Variants in NSDHL observed in about 807,000 individuals in gnomAD.
NSDHL encodes NAD(P) dependent 3-beta-hydroxysteroid dehydrogenase NSDHL.
Under a neutral mutation model 23.0 loss-of-function variants are expected in NSDHL, and 1 was observed. That is an observed-to-expected ratio of 0.04 (90% CI 0.02 to 0.21). The LOEUF (loss-of-function observed/expected upper bound fraction) is 0.21, where lower values mean the gene tolerates loss of function less well. Among genes scored for constraint, NSDHL ranks in the 10% least tolerant of loss-of-function variants. The pLI, the probability that NSDHL is intolerant of heterozygous loss-of-function variation, is 1.00. For synonymous variants in NSDHL, 128 were observed against 121.1 expected, an observed-to-expected ratio of 1.06 and a Z score of -0.37; for missense variants, 237 against 300.9, an observed-to-expected ratio of 0.79 and a Z score of 1.57.
At chrX:152,854,045 CT>C (rs1471145426) in intron 3 of NSDHL, among the ~76,000 whole-genome samples, 2 of 112,677 alleles carry the variant, frequency 1.8e-5, no homozygotes, top group Middle Eastern at 4.6e-3. Context: ...TTTTCGATCA[CT>C]GCTTTGTCCC....
Position 152,869,369 on chromosome X carries a change from GT to G in NSDHL, c.*254del. 1 of 412,187 alleles carries G rather than the reference GT, an allele frequency of 2.4e-6. No homozygotes were observed. Among genetic ancestry groups the G allele is most frequent in the Non-Finnish European group, 4.3e-6 (1 of 230,792 alleles). The allele number at this position is 412,187 out of a possible 1,213,427, so 34.0% of individuals were successfully genotyped here. On this transcript the variant is annotated 3_prime_UTR_variant, in exon 8 of 8. Transcript: ENST00000370274. ...ATACCGATTTGTTCTCTGTCTTTTT[GT>G]GTCTCTCTGTTTACCCCCTCCCTTG... is the stretch of plus-strand genomic sequence containing the variant.
intron 1 of NSDHL, among the ~76,000 whole-genome samples, chrX:152,839,116 G>A (rs1476211661): frequency 8.9e-6 from 1 of 111,784 alleles, no homozygotes; most frequent in Non-Finnish European, 1.9e-5. Context: ...GACTAGGATT[G>A]CAACTTCTGC....
chrX:152,850,294 T>C lies in NSDHL; in HGVS notation c.138T>C (p.Ser46=). The C allele has an allele frequency of 8.3e-7, 1 of 1,211,584 alleles. No homozygotes were observed. The highest frequency in any genetic ancestry group is 1.1e-6 in the Non-Finnish European group (1 of 895,184). ...AGAGATGCACAGTGATCGGTGGCTC[T>C]GGATTCCTGGGGCAGCACATGGTGG... ...QAKRCTVIGG[S]GFLGQHMVEQ... The change falls in exon 3 of 8, where the codon TCT becomes TCC. Residue 46 remains serine, a synonymous_variant. Transcript: ENST00000370274.
At chrX:152,839,573 G>T (rs1933157415) in intron 1 of NSDHL, among the ~76,000 whole-genome samples, 1 of 112,211 alleles carries the variant, frequency 8.9e-6, no homozygotes, top group Non-Finnish European at 1.9e-5. Flanking sequence ...AGTTTGGCTG[G>T]ATATGAAATT....
At chrX:152,854,594 G>C (rs1933410991) in intron 3 of NSDHL, among the ~76,000 whole-genome samples, 2 of 109,501 alleles carry the variant, frequency 1.8e-5, no homozygotes, top group South Asian at 8.0e-4. Flanking sequence ...ATTTTTAGTA[G>C]AGATAGGGTT....
intron 5 of NSDHL, among the ~76,000 whole-genome samples, chrX:152,865,087 G>A (rs143983017): frequency 0.027 from 3,009 of 112,553 alleles, 93 homozygotes; most frequent in African/African-American, 0.091. Flanking sequence ...GGAAAGTTTT[G>A]TTACTTTTGA....
intron 4 of NSDHL, among the ~76,000 whole-genome samples, chrX:152,861,822 A>G (rs1307089272): frequency 4.4e-5 from 5 of 112,567 alleles, no homozygotes; most frequent in Non-Finnish European, 9.4e-5. Flanking sequence ...ATTTTTGTAT[A>G]TTGATTTTTA....
intron 1 of NSDHL, among the ~76,000 whole-genome samples, chrX:152,832,505 C>A (rs1347051500): frequency 1.8e-5 from 2 of 111,753 alleles, no homozygotes; most frequent in African/African-American, 3.3e-5. Context: ...TCGTAGTGAA[C>A]GGCCCTGGTC....
Position 152,858,921 on chromosome X carries a change from G to T in NSDHL, c.414+5G>T. On this transcript the variant is annotated splice_donor_5th_base_variant and intron_variant, in intron 4 of 7. Transcript: ENST00000370274. ...TGCAAAGAGGCTGGGGTTCAGGTAA[G>T]GGGAAGGCTGGAGTGAGTGCTGTCA... 8.3e-7 allele frequency: 1 copy of T among 1,203,348 alleles called. No individual in the cohort carries two copies. The highest frequency in any genetic ancestry group is 1.1e-6 in the Non-Finnish European group (1 of 887,917).
At chrX:152,866,108 G>T in intron 6 of NSDHL, 147 bp downstream of exon 6, 1 of 662,522 alleles carries the variant, frequency 1.5e-6, no homozygotes, top group Non-Finnish European at 2.4e-6. Context: ...AAATACCTAA[G>T]ACTGGGTAAC....
chrX:152,836,980 G>T (rs1933107810), intron 1 of NSDHL, among the ~76,000 whole-genome samples: 1 of 111,691 alleles, frequency 9.0e-6, no homozygotes, highest in Non-Finnish European at 1.9e-5. Flanking sequence ...TTATTTCGTT[G>T]AGCAATGGTT....
intron 1 of NSDHL, among the ~76,000 whole-genome samples, chrX:152,835,410 G>A (rs1313812786): frequency 3.7e-5 from 4 of 108,419 alleles, no homozygotes; most frequent in African/African-American, 1.0e-4. Context: ...CCATCAACTC[G>A]TCATTTACAT....
intron 1 of NSDHL, among the ~76,000 whole-genome samples, chrX:152,834,716 A>C (rs1933064916): frequency 8.9e-6 from 1 of 112,938 alleles, no homozygotes; most frequent in African/African-American, 3.2e-5. Flanking sequence ...GAGGCCAAGC[A>C]TGAGGCATGA....
rs1556846778 is a variant in NSDHL, at chrX:152,854,931, A to G, written c.268-3839A>G. Among the ~76,000 whole-genome samples the G allele has an allele frequency of 3.6e-5, 4 of 109,972 alleles. No individual in the cohort carries two copies. In the South Asian group the frequency reaches 1.2e-3, roughly 32 times the overall value. On this transcript the variant is annotated intron_variant, in intron 3 of 7. Transcript: ENST00000370274. ...AGAGGAGAGAGACAGATATACATAC[A>G]TATAGATAAAGTTTATGTATATATA... is the stretch of plus-strand genomic sequence containing the variant.
At chrX:152,859,931 G>C (rs1204424969) in intron 4 of NSDHL, among the ~76,000 whole-genome samples, 1 of 112,374 alleles carries the variant, frequency 8.9e-6, no homozygotes, top group African/African-American at 3.2e-5. Flanking sequence ...TTGCTGCATC[G>C]TTACCAATCC....
At chrX:152,839,184 A>G (rs1556844575) in intron 1 of NSDHL, among the ~76,000 whole-genome samples, 2 of 111,666 alleles carry the variant, frequency 1.8e-5, no homozygotes, top group Non-Finnish European at 3.8e-5. Context: ...TTTTGAGCCT[A>G]TGTACGTCAC....
chrX:152,854,889 TAGAG>T (rs370112623), intron 3 of NSDHL, among the ~76,000 whole-genome samples: 52 of 102,186 alleles, frequency 5.1e-4, no homozygotes, highest in East Asian at 3.9e-3. Context: ...TTATAGTCAG[TAGAG>T]AGAGAGAGAG....
intron 1 of NSDHL, among the ~76,000 whole-genome samples, chrX:152,839,056 C>T (rs1407441478): frequency 1.8e-5 from 2 of 112,090 alleles, no homozygotes; most frequent in African/African-American, 6.5e-5. Context: ...TATGTAATGG[C>T]CTTCTTTGTC....
intron 2 of NSDHL, among the ~76,000 whole-genome samples, chrX:152,849,510 G>A (rs1933323395): frequency 8.9e-6 from 1 of 112,493 alleles, no homozygotes; most frequent in Non-Finnish European, 1.9e-5. Context: ...ATTATGCCCA[G>A]TCACCAGAGT....
Sources: gnomAD v4.1 joint callset for allele counts (sites outside exome capture counted in the v4.1 genomes callset) on GRCh38, gnomAD v4.1.1 for gene constraint, MANE v1.5 for transcripts, NCBI Gene and HGNC (gene_info 2026-07-23, HGNC 2026-07-21) for gene names.